Variants in ITIH2 observed in about 807,000 individuals in gnomAD.
ITIH2 encodes the protein inter-alpha-trypsin inhibitor heavy chain H2.
In ITIH2, 103 loss-of-function variants were observed where a neutral mutation model predicts 104.4. That is an observed-to-expected ratio of 0.99 (90% CI 0.84 to 1.16). The LOEUF is 1.16. Ranked by LOEUF, ITIH2 falls within the 50% of genes most tolerant of loss-of-function variation. The pLI is 0.00. For missense variants in ITIH2, 1,108 were observed against 1,162.4 expected, an observed-to-expected ratio of 0.95 and a Z score of 0.68; for synonymous variants, 436 against 435.4, an observed-to-expected ratio of 1.00 and a Z score of -0.02.
chr10:7,728,934 A>G (rs905290748), intron 11 of ITIH2, among the ~76,000 whole-genome samples: 2 of 152,220 alleles, frequency 1.3e-5, no homozygotes, highest in East Asian at 3.8e-4. Flanking sequence ...TTTGTTGTAG[A>G]GCCAATGTTT....
chr10:7,705,700 T>TA (rs34935493), intron 2 of ITIH2, among the ~76,000 whole-genome samples: 73,754 of 131,740 alleles, frequency 0.56, 21,627 homozygotes, highest in Admixed American at 0.7. Context: ...CCACTCCATT[T>TA]AAAAAAAAAA....
chr10:7,713,492 C>T (rs529669385), intron 5 of ITIH2: 154 of 511,734 alleles, frequency 3.0e-4, no homozygotes, highest in African/African-American at 1.0e-3. Context: ...GGTGATCCCA[C>T]GCTGGTTGTG....
chr10:7,714,829 A>C (rs7924076), intron 5 of ITIH2, among the ~76,000 whole-genome samples: 2 of 152,250 alleles, frequency 1.3e-5, no homozygotes, highest in African/African-American at 2.4e-5. Flanking sequence ...CTGATGTGTC[A>C]GCTGAGCCCA....
At chr10:7,749,034 G>T (rs1237067453) in intron 20 of ITIH2, among the ~76,000 whole-genome samples, 153 bp from the exon 21 acceptor site, 2 of 152,154 alleles carry the variant, frequency 1.3e-5, no homozygotes, top group Non-Finnish European at 2.9e-5. Flanking sequence ...CCCAGACTTG[G>T]TGTTTCTTTT....
intron 20 of ITIH2, among the ~76,000 whole-genome samples, 170 bp from the exon 21 acceptor site, chr10:7,749,017 A>G (rs1835210508): frequency 6.6e-6 from 1 of 152,068 alleles, no homozygotes; most frequent in African/African-American, 2.4e-5. Flanking sequence ...TGCTTCCAAC[A>G]CCAAGCCCCA....
intron 12 of ITIH2, 25 bp from the exon 13 acceptor site, chr10:7,731,786 C>A: frequency 3.6e-6 from 4 of 1,117,756 alleles, no homozygotes; most frequent in Admixed American, 2.5e-5. Context: ...AACATAATTT[C>A]TCTCTCTCTC....
chr10:7,746,716 G>A lies in ITIH2; in HGVS notation c.2693+12G>A. On this transcript the variant is annotated intron_variant, in intron 20 of 20. Transcript: ENST00000358415. ...CTGATCATCACCAGGTAGGCCTCGG[G>A]CGTAAGGACAGTGACGAAAAGGCCT... 1.3e-6 allele frequency: 2 copies of A among 1,559,726 alleles called. No homozygotes were observed. The highest frequency in any genetic ancestry group is 1.8e-6 in the Non-Finnish European group (2 of 1,131,314).
rs1751405236 is a variant in ITIH2, at chr10:7,723,344, C to A, written c.868-107C>A. ...GAGGCAAATGCACATCAAGCTCCGC[C>A]TCCTCCTCCCTGTAGACCCCTCTCT... On this transcript the variant is annotated intron_variant, in intron 8 of 20. Transcript: ENST00000358415. The A allele has an allele frequency of 2.0e-5, 15 of 752,726 alleles. No homozygotes were observed. In the South Asian group the frequency reaches 2.3e-4, roughly 12 times the overall value. The allele number at this position is 752,726 out of a possible 1,614,324, so 46.6% of individuals were successfully genotyped here. A position where few individuals can be genotyped will look rare whatever the true frequency, so the allele number is the denominator to read the frequency against.
At chr10:7,726,556 G>A (rs966889960) in intron 9 of ITIH2, among the ~76,000 whole-genome samples, 5 of 152,156 alleles carry the variant, frequency 3.3e-5, no homozygotes, top group Admixed American at 6.5e-5. Context: ...ATCATCACAC[G>A]TAAGCTAGAG....
At chr10:7,744,750 T>G in intron 18 of ITIH2, 41 bp from the exon 19 acceptor site, 1 of 1,559,772 alleles carries the variant, frequency 6.4e-7, no homozygotes, top group African/African-American at 1.4e-5. Context: ...TCAAAAGGTC[T>G]GTTCTGGAAT....
At chr10:7,710,076 T>C (rs1424963467) in intron 4 of ITIH2, among the ~76,000 whole-genome samples, 1 of 152,202 alleles carries the variant, frequency 6.6e-6, no homozygotes, top group Non-Finnish European at 1.5e-5. Flanking sequence ...ATGGTCTCGA[T>C]CTCTTGACCT....
rs1834907328 is a variant in ITIH2 at position 7,721,862 on chromosome 10, G to T, written c.867+85G>T. ...TGAACAAACTCCCAGGCCTATGGGTGGTTTCTAGCTGCCAGGGCAAGTGTT... is the reference window on the plus strand; with the variant it reads ...TGAACAAACTCCCAGGCCTATGGGTTGTTTCTAGCTGCCAGGGCAAGTGTT... On this transcript the variant is annotated intron_variant, in intron 8 of 20. Coordinates refer to ENST00000358415, the MANE Select transcript of ITIH2 (RefSeq NM_002216.3). The T allele has an allele frequency of 2.1e-5, 31 of 1,466,220 alleles. No individual in the cohort carries two copies. In the South Asian group the frequency reaches 4.0e-4, roughly 19 times the overall value. The allele number at this position is 1,466,220 out of a possible 1,614,324, so 90.8% of individuals were successfully genotyped here.
intron 5 of ITIH2, among the ~76,000 whole-genome samples, 163 bp from the exon 6 acceptor site, chr10:7,717,463 G>A (rs1834860628): frequency 6.6e-6 from 1 of 152,170 alleles, no homozygotes; most frequent in African/African-American, 2.4e-5. Flanking sequence ...GGATTCAACT[G>A]ATCTAGAAGC....
chr10:7,716,839 C>G (rs956979774), intron 5 of ITIH2, among the ~76,000 whole-genome samples: 1 of 151,660 alleles, frequency 6.6e-6, no homozygotes, highest in South Asian at 2.1e-4. Flanking sequence ...TAGTGAGCCT[C>G]AAATGCAGTA....
chr10:7,717,552 C>A, intron 5 of ITIH2, 74 bp from the exon 6 acceptor site: 2 of 1,396,428 alleles, frequency 1.4e-6, no homozygotes, highest in East Asian at 2.3e-5. Flanking sequence ...ATTCTACATG[C>A]CCTCTGCCTA....
At chr10:7,726,915 G>A in intron 9 of ITIH2, 35 bp from the exon 10 acceptor site, 1 of 1,514,662 alleles carries the variant, frequency 6.6e-7, no homozygotes, top group Non-Finnish European at 8.9e-7. Flanking sequence ...CAGATTTTCT[G>A]TAATGGGACC....
Position 7,746,761 on chromosome 10 carries a change from C to T in ITIH2, c.2693+57C>T, listed in dbSNP as rs553764954. The T allele has an allele frequency of 8.9e-4, 946 of 1,062,254 alleles. 17 individuals carry two copies. The South Asian group carries it at 0.012, about 13-fold the overall frequency. The allele number at this position is 1,062,254 out of a possible 1,614,324, so 65.8% of individuals were successfully genotyped here. ...AGGCCTTGTGTTAGAATTAGACCCA[C>T]ACAGCAAAATAGAGGAGCAAAGAAG... On this transcript the variant is annotated intron_variant, in intron 20 of 20. Transcript: ENST00000358415.
intron 5 of ITIH2, among the ~76,000 whole-genome samples, chr10:7,716,135 C>A (rs1273384323): frequency 6.6e-6 from 1 of 152,168 alleles, no homozygotes; most frequent in Admixed American, 6.5e-5. Flanking sequence ...CAGGCACTCA[C>A]CACCACACCC....
intron 5 of ITIH2, among the ~76,000 whole-genome samples, chr10:7,716,551 C>T (rs1834851178): frequency 6.6e-6 from 1 of 151,864 alleles, no homozygotes; most frequent in Admixed American, 6.6e-5. Flanking sequence ...GCCTGGTCAA[C>T]ATGGCGAAAC....
Sources: gnomAD v4.1 joint callset for allele counts (sites outside exome capture counted in the v4.1 genomes callset) on GRCh38, gnomAD v4.1.1 for gene constraint, MANE v1.5 for transcripts, NCBI Gene and HGNC (gene_info 2026-07-23, HGNC 2026-07-21) for gene names.